MYH16: variants seen among roughly 807,000 people sequenced by gnomAD.
MYH16 encodes putative uncharacterized protein MYH16.
chr7:99,291,528 C>T, intron 31 of MYH16, 78 bp downstream of exon 12: 1 of 412,640 alleles, frequency 2.4e-6, no homozygotes, highest in South Asian at 1.8e-5. Flanking sequence ...GTTGGTGGCT[C>T]ATGCCTGTAA....
downstream of MYH16, among the ~76,000 whole-genome samples, chr7:99,308,467 A>G (rs1417588582): frequency 6.6e-6 from 1 of 152,080 alleles, no homozygotes; most frequent in East Asian, 1.9e-4. Context: ...CCTTATTCCA[A>G]AAACAAGATC....
intron 13 of MYH16, among the ~76,000 whole-genome samples, chr7:99,263,124 T>G (rs1289857404): frequency 6.6e-6 from 1 of 151,936 alleles, no homozygotes; most frequent in Non-Finnish European, 1.5e-5. Context: ...AGAAGGCAGA[T>G]GATGGAGCCT....
intron 6 of MYH16, among the ~76,000 whole-genome samples, chr7:99,251,445 C>T (rs1049728444): frequency 2.0e-5 from 3 of 152,172 alleles, no homozygotes; most frequent in Non-Finnish European, 2.9e-5. Context: ...TCCAATTGGC[C>T]TCAACACCAA....
intron 26 of MYH16, among the ~76,000 whole-genome samples, 184 bp downstream of exon 8, chr7:99,285,119 A>G (rs951463451): frequency 6.6e-6 from 1 of 152,110 alleles, no homozygotes; most frequent in African/African-American, 2.4e-5. Flanking sequence ...GAGGCCCTCC[A>G]ACTGCTCCCC....
At chr7:99,266,041 T>C (rs1048156634) in intron 17 of MYH16, among the ~76,000 whole-genome samples, 11 of 152,160 alleles carry the variant, frequency 7.2e-5, no homozygotes, top group Admixed American at 6.5e-4. Context: ...CCCTCACCCT[T>C]CTGGTGGCTA....
At chr7:99,300,676 C>T (rs113511593) in intron 37 of MYH16, among the ~76,000 whole-genome samples, 1 of 151,990 alleles carries the variant, frequency 6.6e-6, no homozygotes, top group African/African-American at 2.4e-5. Context: ...TGGTGGTGCT[C>T]GTGCCTGTAG....
chr7:99,290,713 G>C (rs79266671), intron 30 of MYH16, among the ~76,000 whole-genome samples: 1 of 150,460 alleles, frequency 6.6e-6, no homozygotes, highest in Non-Finnish European at 1.5e-5. Flanking sequence ...TGAGGTAGGA[G>C]AATCACTCGA....
chr7:99,287,123 C>A (rs939932176), intron 28 of MYH16, among the ~76,000 whole-genome samples: 1 of 152,154 alleles, frequency 6.6e-6, no homozygotes, highest in Non-Finnish European at 1.5e-5. Flanking sequence ...ACAGGTGAGG[C>A]AGGGTGAACA....
downstream of MYH16, among the ~76,000 whole-genome samples, chr7:99,307,350 A>G (rs897140926): frequency 2.0e-5 from 3 of 152,216 alleles, no homozygotes; most frequent in East Asian, 1.9e-4. Flanking sequence ...TGGGATTTTA[A>G]GGAAACAATT....
At chr7:99,270,282 G>A (rs1438639693) in intron 18 of MYH16, among the ~76,000 whole-genome samples, 1 of 151,384 alleles carries the variant, frequency 6.6e-6, no homozygotes, top group Non-Finnish European at 1.5e-5. Flanking sequence ...GGCCAGCCTT[G>A]GTTATGGGCA....
At chr7:99,280,015 G>A (rs963798860) in intron 22 of MYH16, among the ~76,000 whole-genome samples, 3 of 152,174 alleles carry the variant, frequency 2.0e-5, no homozygotes, top group Admixed American at 6.5e-5. Context: ...GGGACTACAC[G>A]TGTGGCACCA....
chr7:99,309,770 T>C (rs1190443314), downstream of MYH16, among the ~76,000 whole-genome samples: 1 of 152,256 alleles, frequency 6.6e-6, no homozygotes, highest in Non-Finnish European at 1.5e-5. Flanking sequence ...TCTACTTCCA[T>C]GCCATCAGGC....
At chr7:99,267,518 CCA>C (rs1791999550) in intron 18 of MYH16, among the ~76,000 whole-genome samples, 1 of 152,220 alleles carries the variant, frequency 6.6e-6, no homozygotes, top group African/African-American at 2.4e-5. Context: ...GCATAAGCCA[CCA>C]CACCTGGCCT....
Position 99,285,440 on chromosome 7 carries a change from TA to T in MYH16, n.3373+5del, listed in dbSNP as rs1792264034. 4.4e-6 allele frequency: 2 copies of T among 456,602 alleles called. No homozygotes were observed. The highest frequency in any genetic ancestry group is 3.2e-4 in the Middle Eastern group (1 of 3,098). 28.3% of individuals were successfully genotyped at this position (456,602 alleles called of 1,614,324 possible). A position where few individuals can be genotyped will look rare whatever the true frequency, so the allele number is the denominator to read the frequency against. ...GCTGAGAGGGCCATGAGAGCCAAGG[TA>T]AATGAAATACGTTTCCCCTTCTTGA... On this transcript the variant is annotated splice_donor_region_variant and intron_variant and non_coding_transcript_variant, in intron 27 of 41. Coordinates refer to ENST00000439784, the Ensembl canonical transcript of MYH16.
exon 25 of MYH16, chr7:99,284,001 C>G (rs746947337): frequency 2.2e-6 from 1 of 451,934 alleles, no homozygotes; most frequent in South Asian, 1.6e-5. Flanking sequence ...AGCTGGATCT[C>G]GAGGAGGTGG....
At chr7:99,265,353 C>T (rs1305224235) in intron 16 of MYH16, among the ~76,000 whole-genome samples, 1 of 152,190 alleles carries the variant, frequency 6.6e-6, no homozygotes, top group African/African-American at 2.4e-5. Flanking sequence ...ATTCTAGCTG[C>T]TTTATAAAGC....
At chr7:99,278,204 A>G (rs1792145882) in intron 21 of MYH16, among the ~76,000 whole-genome samples, 1 of 152,032 alleles carries the variant, frequency 6.6e-6, no homozygotes, top group Non-Finnish European at 1.5e-5. Context: ...CGGCCTCCCA[A>G]AGTGCTGGGA....
intron 28 of MYH16, among the ~76,000 whole-genome samples, chr7:99,287,254 C>T (rs1196737329): frequency 2.6e-5 from 4 of 151,944 alleles, no homozygotes; most frequent in Admixed American, 1.3e-4. Context: ...AGAGTCCGGC[C>T]GGGCACGGTG....
intron 21 of MYH16, among the ~76,000 whole-genome samples, chr7:99,279,092 G>A (rs978268712): frequency 6.6e-6 from 1 of 152,150 alleles, no homozygotes; most frequent in Non-Finnish European, 1.5e-5. Flanking sequence ...TCAGGAGGCT[G>A]AAGTGGGAGG....
Sources: gnomAD v4.1 joint callset for allele counts (sites outside exome capture counted in the v4.1 genomes callset) on GRCh38, gnomAD v4.1.1 for gene constraint, MANE v1.5 for transcripts, NCBI Gene and HGNC (gene_info 2026-07-23, HGNC 2026-07-21) for gene names.